Variants in FBXL17 observed in about 807,000 individuals in gnomAD.
The protein encoded by FBXL17 is F-box and leucine rich repeat protein 17.
Under a neutral mutation model 66.2 loss-of-function variants are expected in FBXL17, and 22 were observed. The observed-to-expected ratio is 0.33, with a 90% CI of 0.24 to 0.47. The LOEUF (loss-of-function observed/expected upper bound fraction) is 0.47, where lower values mean the gene tolerates loss of function less well. FBXL17 is among the 20% of genes least tolerant of loss of function. The pLI is 1.00. For missense variants in FBXL17, 878 were observed against 948.2 expected, an observed-to-expected ratio of 0.93 and a Z score of 0.97; for synonymous variants, 474 against 400.5, an observed-to-expected ratio of 1.18 and a Z score of -2.19.
chr5:108,228,106 T>C (rs1366715196), intron 4 of FBXL17, among the ~76,000 whole-genome samples: 1 of 152,128 alleles, frequency 6.6e-6, no homozygotes, highest in African/African-American at 2.4e-5. Context: ...TCTTTCTCTT[T>C]CAGCTCAAGC....
chr5:107,931,838 A>G (rs1179373402), intron 7 of FBXL17, among the ~76,000 whole-genome samples: 1 of 152,222 alleles, frequency 6.6e-6, no homozygotes, highest in Admixed American at 6.5e-5. Flanking sequence ...TTCTATTAAC[A>G]TAACTACCAC....
chr5:108,067,951 A>G (rs896581798), intron 6 of FBXL17, among the ~76,000 whole-genome samples: 3 of 152,218 alleles, frequency 2.0e-5, no homozygotes, highest in Non-Finnish European at 4.4e-5. Context: ...TGAGATCTCC[A>G]TTATGTATCA....
chr5:107,887,880 C>A (rs1749028028), intron 7 of FBXL17, among the ~76,000 whole-genome samples: 1 of 152,164 alleles, frequency 6.6e-6, no homozygotes, highest in Non-Finnish European at 1.5e-5. Flanking sequence ...AACAGAATAA[C>A]CTACAGCTTG....
chr5:108,182,030 G>T (rs1753025122), intron 6 of FBXL17, among the ~76,000 whole-genome samples: 2 of 152,064 alleles, frequency 1.3e-5, no homozygotes, highest in Admixed American at 1.3e-4. Flanking sequence ...CGTGTAAAGT[G>T]CCTATCAATT....
chr5:107,985,877 A>C (rs2112680789), intron 7 of FBXL17, among the ~76,000 whole-genome samples: 1 of 152,284 alleles, frequency 6.6e-6, no homozygotes, highest in African/African-American at 2.4e-5. Context: ...GGAAGGTGAG[A>C]GTGCAGACGA....
intron 6 of FBXL17, among the ~76,000 whole-genome samples, chr5:108,172,790 G>C (rs1176327847): frequency 6.6e-6 from 1 of 152,012 alleles, no homozygotes; most frequent in Non-Finnish European, 1.5e-5. Flanking sequence ...TACAAGAGCA[G>C]CTTTATTTTA....
intron 5 of FBXL17, among the ~76,000 whole-genome samples, chr5:108,216,472 T>C (rs1456646064): frequency 6.6e-6 from 1 of 152,214 alleles, no homozygotes; most frequent in Non-Finnish European, 1.5e-5. Flanking sequence ...CATTTGCAGA[T>C]TATTCATTGC....
chr5:108,303,233 C>T (rs6890534), intron 4 of FBXL17, among the ~76,000 whole-genome samples: 2,344 of 151,610 alleles, frequency 0.015, 71 homozygotes, highest in African/African-American at 0.052. Flanking sequence ...CAATGTATGA[C>T]GAAAAACAGG....
At chr5:107,961,185 T>C (rs951418548) in intron 7 of FBXL17, among the ~76,000 whole-genome samples, 3 of 151,908 alleles carry the variant, frequency 2.0e-5, no homozygotes, top group African/African-American at 7.2e-5. Flanking sequence ...TTCTTTTCTT[T>C]TCTTTCTTTC....
chr5:108,159,289 G>C (rs1186357957), intron 6 of FBXL17, among the ~76,000 whole-genome samples: 1 of 152,072 alleles, frequency 6.6e-6, no homozygotes, highest in African/African-American at 2.4e-5. Flanking sequence ...TACAGCAAAG[G>C]ACAATTTAGG....
At chr5:108,136,813 T>C (rs937495036) in intron 6 of FBXL17, among the ~76,000 whole-genome samples, 2 of 152,088 alleles carry the variant, frequency 1.3e-5, no homozygotes, top group African/African-American at 4.8e-5. Context: ...GTATGAAAAA[T>C]TGCTTTGATC....
intron 6 of FBXL17, among the ~76,000 whole-genome samples, chr5:108,104,674 TTCAG>T (rs1017217542): frequency 5.3e-5 from 8 of 152,172 alleles, no homozygotes; most frequent in Admixed American, 5.2e-4. Context: ...AAGTGAGTCA[TTCAG>T]TGAGTGCAAT....
At chr5:108,245,197 G>T (rs1312527303) in intron 4 of FBXL17, among the ~76,000 whole-genome samples, 1 of 151,988 alleles carries the variant, frequency 6.6e-6, no homozygotes, top group East Asian at 1.9e-4. Flanking sequence ...TATGCAAAAA[G>T]AAAATGCACA....
intron 5 of FBXL17, among the ~76,000 whole-genome samples, chr5:108,210,239 T>A (rs1253051049): frequency 2.0e-5 from 3 of 152,200 alleles, no homozygotes; most frequent in Non-Finnish European, 4.4e-5. Flanking sequence ...CTATCTATTT[T>A]GTTGATCTTT....
intron 6 of FBXL17, among the ~76,000 whole-genome samples, chr5:108,124,937 T>A (rs1750638648): frequency 6.6e-6 from 1 of 151,964 alleles, no homozygotes; most frequent in South Asian, 2.1e-4. Context: ...AAATATCCCC[T>A]TTTCAAGAAA....
chr5:108,037,061 T>C (rs1365047527), intron 6 of FBXL17, among the ~76,000 whole-genome samples: 1 of 151,974 alleles, frequency 6.6e-6, no homozygotes, highest in Admixed American at 6.6e-5. Flanking sequence ...ATATAAATAA[T>C]AAGGTAAGAA....
At chr5:108,168,977 A>G (rs761103078) in intron 6 of FBXL17, among the ~76,000 whole-genome samples, 1 of 152,234 alleles carries the variant, frequency 6.6e-6, no homozygotes, top group Non-Finnish European at 1.5e-5. Flanking sequence ...GTAGCATTGT[A>G]AAGTTATTGT....
intron 4 of FBXL17, among the ~76,000 whole-genome samples, chr5:108,283,840 A>G (rs1050360468): frequency 6.6e-6 from 1 of 151,854 alleles, no homozygotes; most frequent in African/African-American, 2.4e-5. Context: ...ACCAACAACC[A>G]AAGACTACAA....
intron 8 of FBXL17, chr5:107,878,164 A>T: frequency 1.2e-6 from 1 of 828,188 alleles, no homozygotes; most frequent in Non-Finnish European, 1.4e-6. Context: ...ATATTTGTAT[A>T]AAAAATAATC....
Sources: gnomAD v4.1 joint callset for allele counts (sites outside exome capture counted in the v4.1 genomes callset) on GRCh38, gnomAD v4.1.1 for gene constraint, MANE v1.5 for transcripts, NCBI Gene and HGNC (gene_info 2026-07-23, HGNC 2026-07-21) for gene names.